Variants in PRDM16 observed in about 807,000 individuals in gnomAD.
PRDM16 encodes histone-lysine N-methyltransferase PRDM16.
Under a neutral mutation model 110.6 loss-of-function variants are expected in PRDM16, and 23 were observed. The observed-to-expected ratio is 0.21, with a 90% confidence interval of 0.15 to 0.29. The LOEUF (loss-of-function observed/expected upper bound fraction) is 0.29, where lower values mean the gene tolerates loss of function less well. PRDM16 is among the 10% of genes least tolerant of loss of function. The pLI, the probability that PRDM16 is intolerant of heterozygous loss-of-function variation, is 1.00. For missense variants in PRDM16, 1,615 were observed against 1,794.3 expected (o/e 0.90, Z 1.81); for synonymous variants, 799 against 781.8 (o/e 1.02, Z -0.37).
chr1:3,324,165 C>T (rs561719709), intron 3 of PRDM16, among the ~76,000 whole-genome samples: 13 of 152,094 alleles, frequency 8.5e-5, no homozygotes, highest in African/African-American at 3.1e-4. Flanking sequence ...CAGGGGTCTC[C>T]GTCTCTCCCT....
Position 3,214,380 on chromosome 1 carries a change from C to G in PRDM16, c.387+27906C>G, listed in dbSNP as rs568107910. Among the ~76,000 whole-genome samples the G allele has an allele frequency of 2.0e-5, 3 of 152,280 alleles. No homozygotes were observed. In the South Asian group the frequency reaches 6.2e-4, roughly 32 times the overall value. On this transcript the variant is annotated intron_variant, in intron 2 of 16. Coordinates refer to ENST00000270722, the MANE Select transcript of PRDM16 (RefSeq NM_022114.4). ...AGAGCTGATGTCCACCCAATAGCAC[C>G]GTCAGACTCGCAGGCCTCAGAACTC... is the stretch of plus-strand genomic sequence containing the variant.
At chr1:3,239,040 C>T (rs1323928353) in intron 2 of PRDM16, among the ~76,000 whole-genome samples, 11 of 152,238 alleles carry the variant, frequency 7.2e-5, no homozygotes, top group South Asian at 2.1e-4. Flanking sequence ...AAAAATGACC[C>T]GCTGCTGTTA....
At chr1:3,103,962 T>G (rs1304636193) in intron 1 of PRDM16, among the ~76,000 whole-genome samples, 1 of 151,988 alleles carries the variant, frequency 6.6e-6, no homozygotes, top group Non-Finnish European at 1.5e-5. Context: ...GAGTTAACGG[T>G]TCAAACCTAT....
intron 2 of PRDM16, among the ~76,000 whole-genome samples, chr1:3,216,027 T>A (rs534174137): frequency 3.3e-5 from 5 of 152,262 alleles, no homozygotes; most frequent in Admixed American, 2.0e-4. Flanking sequence ...CAATGATAAT[T>A]TAAATTATTC....
chr1:3,191,089 C>T (rs1638298358), intron 2 of PRDM16, among the ~76,000 whole-genome samples: 1 of 152,190 alleles, frequency 6.6e-6, no homozygotes, highest in Admixed American at 6.5e-5. Context: ...CTGTGTCTCC[C>T]CAGAAAGGCT....
chr1:3,240,050 G>A (rs1639628071), intron 2 of PRDM16, among the ~76,000 whole-genome samples: 1 of 95,026 alleles, frequency 1.1e-5, no homozygotes, highest in African/African-American at 5.2e-5. Flanking sequence ...GAGGAGAGGA[G>A]AGGAGAAGAG....
chr1:3,324,378 C>T (rs1436057756), intron 3 of PRDM16, among the ~76,000 whole-genome samples: 4 of 152,188 alleles, frequency 2.6e-5, no homozygotes, highest in Non-Finnish European at 5.9e-5. Context: ...CCTCAAAAGA[C>T]TTCCTAAACC....
At chr1:3,171,932 C>T (rs1437495797) in intron 1 of PRDM16, among the ~76,000 whole-genome samples, 1 of 152,146 alleles carries the variant, frequency 6.6e-6, no homozygotes, top group Non-Finnish European at 1.5e-5. Flanking sequence ...GTGCAAGCCC[C>T]CCGGCCTCCG....
chr1:3,198,618 A>G (rs994049040), intron 2 of PRDM16, among the ~76,000 whole-genome samples: 8 of 152,164 alleles, frequency 5.3e-5, no homozygotes, highest in Admixed American at 3.3e-4. Flanking sequence ...CCCCTGCTGC[A>G]TGAAGAACGG....
chr1:3,079,610 G>T (rs1281247689), intron 1 of PRDM16, among the ~76,000 whole-genome samples: 3 of 152,196 alleles, frequency 2.0e-5, no homozygotes, highest in African/African-American at 7.2e-5. Flanking sequence ...CAAATCACCC[G>T]CAGGCTCTTA....
chr1:3,119,885 T>G (rs59603262), intron 1 of PRDM16, among the ~76,000 whole-genome samples: 3,603 of 152,256 alleles, frequency 0.024, 129 homozygotes, highest in African/African-American at 0.073. Context: ...GAGGGAAGCC[T>G]GCAGAGGGGC....
intron 2 of PRDM16, among the ~76,000 whole-genome samples, chr1:3,228,440 A>T (rs928869329): frequency 2.0e-5 from 3 of 152,180 alleles, no homozygotes; most frequent in Admixed American, 6.5e-5. Context: ...GGTCAAGAGA[A>T]AGCAGTTTTT....
rs574175844 is a variant in PRDM16, at chr1:3,361,328, C to A, written c.439-23824C>A. ...GTCTCTGGGGATGACGTGTTGAAGC[C>A]GTCCAGGACCCAGAGCCACACTGAG... On this transcript the variant is annotated intron_variant, in intron 3 of 16. Coordinates refer to ENST00000270722, the MANE Select transcript of PRDM16 (RefSeq NM_022114.4). Among the ~76,000 whole-genome samples the A allele has an allele frequency of 2.0e-5, 3 of 152,306 alleles. No individual in the cohort carries two copies. The East Asian group carries it at 5.8e-4, about 29-fold the overall frequency.
intron 3 of PRDM16, among the ~76,000 whole-genome samples, chr1:3,323,051 G>A (rs559756549): frequency 1.1e-4 from 17 of 152,306 alleles, no homozygotes; most frequent in African/African-American, 4.1e-4. Context: ...CGACACCCGA[G>A]CACAGAGCAG....
intron 3 of PRDM16, among the ~76,000 whole-genome samples, chr1:3,379,209 T>C (rs560038732): frequency 1.3e-3 from 38 of 30,242 alleles, no homozygotes; most frequent in Admixed American, 3.6e-3. Context: ...CCAGCACACC[T>C]CTCCCAGCAC....
chr1:3,105,062 G>A (rs536114587), intron 1 of PRDM16, among the ~76,000 whole-genome samples: 5 of 151,970 alleles, frequency 3.3e-5, no homozygotes, highest in Non-Finnish European at 5.9e-5. Flanking sequence ...GGGTGGGGGC[G>A]GGTGGAAGGT....
At chr1:3,405,764 C>A (rs1643551780) in intron 8 of PRDM16, 116 bp downstream of exon 8, 2 of 1,067,546 alleles carry the variant, frequency 1.9e-6, no homozygotes, top group Non-Finnish European at 2.6e-6. Context: ...CCAGTTTGTT[C>A]ATAAAGCACT....
At chr1:3,419,310 C>T (rs117505164) in intron 12 of PRDM16, among the ~76,000 whole-genome samples, 2,092 of 152,332 alleles carry the variant, frequency 0.014, 28 homozygotes, top group South Asian at 0.062. Flanking sequence ...CTTCCAGGAT[C>T]CCCCCGTGCT....
At position 3,172,098 on chromosome 1, in the gene PRDM16, G is replaced by T. The variant is rs80151396; in HGVS notation, c.38-14027G>T. Among the ~76,000 whole-genome samples the T allele has an allele frequency of 7.9e-5, 12 of 152,318 alleles. No homozygotes were observed. The East Asian group carries it at 2.1e-3, about 27-fold the overall frequency. ...CTGCCAAGCCAGCTGCCCTAGGTGT[G>T]GGGGCCACCTAGCAATCAGGGTGGA... On this transcript the variant is annotated intron_variant, in intron 1 of 16. Coordinates refer to ENST00000270722, the MANE Select transcript of PRDM16 (RefSeq NM_022114.4).
Sources: gnomAD v4.1 joint callset for allele counts (sites outside exome capture counted in the v4.1 genomes callset) on GRCh38, gnomAD v4.1.1 for gene constraint, MANE v1.5 for transcripts, NCBI Gene and HGNC (gene_info 2026-07-23, HGNC 2026-07-21) for gene names.